Variants in EPB41L2 observed in about 807,000 individuals in gnomAD.
EPB41L2 encodes erythrocyte membrane protein band 4.1 like 2, also known as band 4.1-like protein 2.
Under a neutral mutation model 113.0 loss-of-function variants are expected in EPB41L2, and 43 were observed. The observed-to-expected ratio is 0.38, with a 90% CI of 0.30 to 0.49. The LOEUF is 0.49. Ranked by LOEUF, EPB41L2 falls within the 20% of genes least tolerant of loss-of-function variation. The pLI, the probability that EPB41L2 is intolerant of heterozygous loss-of-function variation, is 0.95. For synonymous variants in EPB41L2, 442 were observed against 436.7 expected (o/e 1.01, Z -0.15); for missense variants, 1,147 against 1,223.4 (o/e 0.94, Z 0.93).
At chr6:130,983,690 G>A (rs1390162413) in intron 1 of EPB41L2, among the ~76,000 whole-genome samples, 2 of 151,724 alleles carry the variant, frequency 1.3e-5, no homozygotes, top group African/African-American at 4.8e-5. Flanking sequence ...CACCTGCCCT[G>A]CTGATTTTTT....
intron 19 of EPB41L2, among the ~76,000 whole-genome samples, chr6:130,852,608 T>C (rs1400913276): frequency 6.6e-6 from 1 of 152,218 alleles, no homozygotes; most frequent in Admixed American, 6.5e-5. Context: ...TGCTCCCATC[T>C]TCCCAATGCA....
rs184012902 is a variant in EPB41L2 at position 131,020,403 on chromosome 6, A to G, written c.-15+42752T>C. ...CTAAGCATCTCATATCAGTTTCTGC[A>G]GCCTCTCTCAAGTTTTGCTATGTAG... On this transcript the variant is annotated intron_variant, in intron 1 of 19. Coordinates refer to ENST00000337057, the MANE Select transcript of EPB41L2 (RefSeq NM_001431.4). 2.2e-3 allele frequency among the ~76,000 whole-genome samples: 332 copies of G among 152,254 alleles called. 3 individuals are homozygous for G. Among genetic ancestry groups the G allele is most frequent in the African/African-American group, 7.7e-3 (322 of 41,552 alleles).
At chr6:130,977,570 A>G (rs1301111844) in intron 1 of EPB41L2, among the ~76,000 whole-genome samples, 1 of 152,180 alleles carries the variant, frequency 6.6e-6, no homozygotes, top group African/African-American at 2.4e-5. Flanking sequence ...AATCCAAGAG[A>G]TCTACAATGC....
chr6:130,873,465 G>GTTTTTT lies in EPB41L2; in HGVS notation c.2044-3340_2044-3339insAAAAAA, dbSNP rs146101399. ...AATTCCTAATAAACCCCACTATTCA[G>GTTTTTT]GTTTTTTTTTTTTTTTGAGACGGAG... On this transcript the variant is annotated intron_variant, in intron 14 of 19. Transcript: ENST00000337057. 1.4e-5 allele frequency among the ~76,000 whole-genome samples: 2 copies of GTTTTTT among 146,156 alleles called. 1 individual carries two copies.
At chr6:130,990,735 A>C (rs1208785162) in intron 1 of EPB41L2, among the ~76,000 whole-genome samples, 1 of 152,220 alleles carries the variant, frequency 6.6e-6, no homozygotes, top group African/African-American at 2.4e-5. Context: ...AAGATCTCAT[A>C]ATAATACGAA....
intron 12 of EPB41L2, among the ~76,000 whole-genome samples, chr6:130,884,510 C>CCT (rs1790308219): frequency 2.0e-5 from 3 of 152,146 alleles, no homozygotes; most frequent in African/African-American, 7.2e-5. Flanking sequence ...AGTGATGTTA[C>CCT]TGCCCAAGGT....
At chr6:130,994,948 C>T (rs1419561598) in intron 1 of EPB41L2, among the ~76,000 whole-genome samples, 4 of 151,538 alleles carry the variant, frequency 2.6e-5, no homozygotes, top group Non-Finnish European at 4.4e-5. Context: ...TGAGTTCTCC[C>T]GCCTTTGCTT....
intron 1 of EPB41L2, among the ~76,000 whole-genome samples, chr6:131,029,399 A>T (rs1354849154): frequency 6.6e-6 from 1 of 151,028 alleles, no homozygotes; most frequent in Admixed American, 6.6e-5. Context: ...TTTAAAAAAA[A>T]AAAAAAAAAA....
At chr6:130,907,671 G>A (rs1480774473) in intron 5 of EPB41L2, among the ~76,000 whole-genome samples, 3 of 152,070 alleles carry the variant, frequency 2.0e-5, no homozygotes, top group Admixed American at 6.6e-5. Context: ...AATAAAAAAA[G>A]AGAGTAGGGA....
intron 3 of EPB41L2, among the ~76,000 whole-genome samples, chr6:130,945,118 A>C (rs1258442921): frequency 2.0e-5 from 3 of 152,194 alleles, no homozygotes; most frequent in Non-Finnish European, 2.9e-5. Context: ...TAAATCTGCC[A>C]CTATTTTTAT....
intron 1 of EPB41L2, among the ~76,000 whole-genome samples, chr6:131,022,117 G>A (rs1408831066): frequency 1.3e-5 from 2 of 152,152 alleles, no homozygotes; most frequent in African/African-American, 4.8e-5. Flanking sequence ...CATCACGGGG[G>A]TGATGGGAGA....
intron 1 of EPB41L2, among the ~76,000 whole-genome samples, chr6:130,978,173 A>G (rs940025677): frequency 2.0e-5 from 3 of 152,262 alleles, no homozygotes; most frequent in Non-Finnish European, 4.4e-5. Context: ...TCAAACGTGT[A>G]AACACAAAGC....
chr6:131,048,789 CTT>C (rs1795984066), intron 1 of EPB41L2, among the ~76,000 whole-genome samples: 1 of 152,066 alleles, frequency 6.6e-6, no homozygotes, highest in African/African-American at 2.4e-5. Flanking sequence ...AAGAAGAACA[CTT>C]TTCTGTAACT....
intron 1 of EPB41L2, among the ~76,000 whole-genome samples, chr6:130,972,932 A>C (rs1276103524): frequency 8.4e-6 from 1 of 119,314 alleles, no homozygotes; most frequent in East Asian, 2.6e-4. Flanking sequence ...TCTCTACTAA[A>C]GATACAAAAA....
intron 1 of EPB41L2, among the ~76,000 whole-genome samples, chr6:131,012,344 C>G (rs1172302930): frequency 1.3e-5 from 2 of 149,842 alleles, no homozygotes; most frequent in Non-Finnish European, 3.0e-5. Context: ...TCCGCACTAC[C>G]AACATTTTAT....
intron 3 of EPB41L2, among the ~76,000 whole-genome samples, chr6:130,940,018 T>A (rs1367302350): frequency 6.6e-6 from 1 of 152,122 alleles, no homozygotes; most frequent in Non-Finnish European, 1.5e-5. Context: ...CTTCCCCCAA[T>A]GCAAGGAACC....
chr6:130,910,180 T>G (rs890596841), intron 4 of EPB41L2, among the ~76,000 whole-genome samples: 1 of 151,942 alleles, frequency 6.6e-6, no homozygotes, highest in Non-Finnish European at 1.5e-5. Context: ...CCAAAACAGA[T>G]ATATAGACCA....
chr6:131,009,577 C>G (rs1016351858), intron 1 of EPB41L2, among the ~76,000 whole-genome samples: 2 of 151,708 alleles, frequency 1.3e-5, no homozygotes, highest in African/African-American at 4.8e-5. Context: ...ACACTGGTAA[C>G]TGGATGTTCC....
At chr6:130,931,003 T>C (rs928507423) in intron 3 of EPB41L2, among the ~76,000 whole-genome samples, 13 of 151,978 alleles carry the variant, frequency 8.6e-5, no homozygotes, top group South Asian at 8.3e-4. Flanking sequence ...AACTGGAAGA[T>C]AGATCTGAAA....
Sources: gnomAD v4.1 joint callset for allele counts (sites outside exome capture counted in the v4.1 genomes callset) on GRCh38, gnomAD v4.1.1 for gene constraint, MANE v1.5 for transcripts, NCBI Gene and HGNC (gene_info 2026-07-23, HGNC 2026-07-21) for gene names.